The following CDON variants were observed in gnomAD, a reference collection of about 807,000 sequenced individuals.
CDON encodes the protein cell adhesion associated, oncogene regulated.
Under a neutral mutation model 120.9 loss-of-function variants are expected in CDON, and 73 were observed. The observed-to-expected ratio is 0.60, with a 90% CI of 0.50 to 0.73. CDON has a LOEUF of 0.73. CDON is among the 30% of genes least tolerant of loss of function. CDON has a pLI of 0.00. For synonymous variants in CDON, 566 were observed against 573.5 expected (o/e 0.99, Z 0.19); for missense variants, 1,470 against 1,587.3 (o/e 0.93, Z 1.26).
intron 3 of CDON, among the ~76,000 whole-genome samples, chr11:126,021,044 CATT>C (rs1179316636): frequency 4.6e-5 from 7 of 151,856 alleles, no homozygotes; most frequent in Non-Finnish European, 1.0e-4. Flanking sequence ...ATTTCCATAT[CATT>C]GTTACTGATG....
chr11:126,044,501 C>T (rs1311266799), intron 1 of CDON, among the ~76,000 whole-genome samples: 1 of 152,040 alleles, frequency 6.6e-6, no homozygotes, highest in Non-Finnish European at 1.5e-5. Flanking sequence ...TGTCCATCAA[C>T]GGATGAATGG....
At chr11:126,002,538 C>G (rs1946976740) in intron 10 of CDON, among the ~76,000 whole-genome samples, 1 of 152,206 alleles carries the variant, frequency 6.6e-6, no homozygotes, top group Admixed American at 6.5e-5. Flanking sequence ...TCTCTACCCA[C>G]TAACGTCTCT....
chr11:125,993,371 TCACA>T (rs1344212148), intron 14 of CDON, among the ~76,000 whole-genome samples: 1 of 141,330 alleles, frequency 7.1e-6, no homozygotes, highest in South Asian at 2.3e-4. Flanking sequence ...TCTCTGTCTC[TCACA>T]CACACATGCG....
At chr11:126,007,767 T>A (rs1000521204) in intron 8 of CDON, among the ~76,000 whole-genome samples, 1 of 152,068 alleles carries the variant, frequency 6.6e-6, no homozygotes, top group Admixed American at 6.6e-5. Context: ...AAAAGGGGGA[T>A]TCAATTAACT....
In CDON at chr11:126,003,996, C is replaced by T; in HGVS notation, c.1932G>A (p.Glu644=). 3 of 1,614,036 alleles carry T rather than the reference C, an allele frequency of 1.9e-6. No homozygotes were observed. The highest frequency in any genetic ancestry group is 1.3e-5 in the African/African-American group (1 of 75,008). The change falls in exon 10 of 20, where the codon GAG becomes GAA. Residue 644 remains glutamate, a synonymous_variant. Transcript: ENST00000531738. Reference sequence around the variant, plus strand: ...CTTCATAAAGACTAGATGGCTCCAGCTCAGCTAAATGGAGCTCATTTTCAC... The same window carrying T: ...CTTCATAAAGACTAGATGGCTCCAGTTCAGCTAAATGGAGCTCATTTTCAC... ...PGSENELHLA[E]LEPSSLYEVL... is the part of the protein sequence containing the mutation.
intron 8 of CDON, among the ~76,000 whole-genome samples, chr11:126,006,767 G>A (rs940028919): frequency 7.3e-5 from 11 of 151,560 alleles, no homozygotes; most frequent in African/African-American, 2.4e-4. Context: ...AGAATATACA[G>A]AGGAAGATAA....
chr11:126,018,325 C>G lies in CDON; in HGVS notation c.640+5G>C. 6.2e-7 allele frequency: 1 copy of G among 1,613,200 alleles called. No homozygotes were observed. Among genetic ancestry groups the G allele is most frequent in the Non-Finnish European group, 8.5e-7 (1 of 1,179,660 alleles). On this transcript the variant is annotated splice_donor_5th_base_variant and intron_variant, in intron 5 of 19. Coordinates refer to ENST00000531738, the MANE Select transcript of CDON (RefSeq NM_001378964.1). The stretch of plus-strand genomic sequence containing the variant: ...CCAGTTACCATTATTCTCCCAAATA[C>G]TTACGACTCACAAGGAGCTTTCGGC...
chr11:125,983,009 C>A (rs983439763), intron 16 of CDON, among the ~76,000 whole-genome samples: 4 of 152,214 alleles, frequency 2.6e-5, no homozygotes, highest in East Asian at 3.9e-4. Flanking sequence ...TCATTCAATA[C>A]AAACAGAGTA....
Position 126,020,380 on chromosome 11 carries a change from A to C in CDON, c.350-615T>G, listed in dbSNP as rs146874232. ...AGGATATCATTATTTAGATTATCTG[A>C]ATCTACTAACTTGGTCTCAATTCCT... On this transcript the variant is annotated intron_variant, in intron 3 of 19. Transcript: ENST00000531738. Among the ~76,000 whole-genome samples the C allele has an allele frequency of 3.4e-3, 524 of 152,320 alleles. 4 individuals carry two copies. The highest frequency in any genetic ancestry group is 7.0e-3 in the African/African-American group (292 of 41,564).
At chr11:125,988,505 T>A (rs1017598409) in intron 15 of CDON, among the ~76,000 whole-genome samples, 4 of 152,302 alleles carry the variant, frequency 2.6e-5, no homozygotes, top group Middle Eastern at 6.8e-3. Context: ...CCTCCTGAAC[T>A]AACAACGTTG....
intron 1 of CDON, among the ~76,000 whole-genome samples, chr11:126,052,542 G>C (rs1458304637): frequency 2.0e-5 from 3 of 152,096 alleles, no homozygotes; most frequent in Non-Finnish European, 2.9e-5. Flanking sequence ...AATAATACAG[G>C]CCACGCGTGG....
At chr11:126,005,495 T>A in intron 9 of CDON, 1 of 504,526 alleles carries the variant, frequency 2.0e-6, no homozygotes, top group South Asian at 2.2e-5. Flanking sequence ...GAGCTTTATG[T>A]TGAAGGGCTA....
chr11:126,018,970 C>T (rs192695851), intron 4 of CDON, among the ~76,000 whole-genome samples: 1 of 152,296 alleles, frequency 6.6e-6, no homozygotes, highest in East Asian at 1.9e-4. Flanking sequence ...AAAAAGTCTA[C>T]AGAACTAGCA....
intron 1 of CDON, among the ~76,000 whole-genome samples, chr11:126,051,643 A>AT (rs1338320658): frequency 9.2e-5 from 13 of 141,210 alleles, no homozygotes; most frequent in Admixed American, 7.6e-5. Flanking sequence ...AACAATAGCT[A>AT]TTTTTTTTCT....
At position 126,034,160 on chromosome 11, in the gene CDON, C is replaced by T. The variant is rs796600408; in HGVS notation, c.-61-10623G>A. Among the ~76,000 whole-genome samples, 4 of 152,188 alleles carry T rather than the reference C, an allele frequency of 2.6e-5. No individual in the cohort carries two copies. The highest frequency in any genetic ancestry group is 4.2e-4 in the South Asian group (2 of 4,816). On this transcript the variant is annotated intron_variant, in intron 1 of 19. Transcript: ENST00000531738. This position sits in a 1 kb window ranked among gnomAD's most constrained non-coding sequence, Gnocchi z 4.5. ...AAAAAAAGTTCACACCTACAGACTT[C>T]GCAACCCTTCCCCCACTTCTCCCAA...
rs1420115778 is a variant in CDON, at chr11:126,040,841, A to G, written c.-61-17304T>C. Among the ~76,000 whole-genome samples the G allele has an allele frequency of 1.8e-4, 26 of 148,016 alleles. 2 individuals carry two copies. The highest frequency in any genetic ancestry group is 1.3e-3 in the Admixed American group (20 of 14,838). On this transcript the variant is annotated intron_variant, in intron 1 of 19. Coordinates refer to ENST00000531738, the MANE Select transcript of CDON (RefSeq NM_001378964.1). ...AAAAAAAAAAAAAAAAAAAAAAAAA[A>G]AAAAAGGTACTAAAGTCAAGGCGAC...
chr11:125,963,646 T>C (rs1432216913), intron 18 of CDON, among the ~76,000 whole-genome samples: 1 of 152,120 alleles, frequency 6.6e-6, no homozygotes, highest in Admixed American at 6.5e-5. Context: ...TTTAAATAAC[T>C]CCAACTTTAG....
intron 12 of CDON, among the ~76,000 whole-genome samples, chr11:125,996,710 A>C (rs1161519493): frequency 6.6e-6 from 1 of 151,042 alleles, no homozygotes; most frequent in African/African-American, 2.4e-5. Flanking sequence ...AAAAAAAAAA[A>C]AAAAAAAAAA....
intron 11 of CDON, 95 bp downstream of exon 11, chr11:126,001,624 G>A (rs1406573854): frequency 1.9e-6 from 2 of 1,043,822 alleles, no homozygotes; most frequent in Admixed American, 1.8e-5. Context: ...GGTAAGATAT[G>A]AAAATAAACA....
Sources: allele counts gnomAD v4.1 joint callset (sites outside exome capture counted in the v4.1 genomes callset), GRCh38; gene constraint gnomAD v4.1.1; non-coding constraint Gnocchi (gnomAD v3.1); transcripts MANE v1.5; gene names NCBI Gene and HGNC (gene_info 2026-07-23, HGNC 2026-07-21).